OR9Q1: variants seen among roughly 807,000 people sequenced by gnomAD.
OR9Q1 encodes olfactory receptor 9Q1.
For missense variants in OR9Q1, 374 were observed against 378.8 expected (o/e 0.99, Z 0.11); for synonymous variants, 153 against 148.6 (o/e 1.03, Z -0.22).
intron 2 of OR9Q1, among the ~76,000 whole-genome samples, chr11:58,089,027 T>A (rs1050513149): frequency 2.6e-5 from 4 of 151,448 alleles, no homozygotes; most frequent in Non-Finnish European, 5.9e-5. Flanking sequence ...CAGGTGCCCG[T>A]CACCAGGCCC....
chr11:58,136,470 T>C (rs147266068), intron 2 of OR9Q1, among the ~76,000 whole-genome samples: 2 of 152,298 alleles, frequency 1.3e-5, no homozygotes, highest in Non-Finnish European at 2.9e-5. Flanking sequence ...CCAAATATTT[T>C]CCTCTGAGGC....
intron 1 of OR9Q1, among the ~76,000 whole-genome samples, chr11:58,025,893 C>A (rs891765012): frequency 2.0e-5 from 3 of 152,098 alleles, no homozygotes; most frequent in African/African-American, 7.2e-5. Flanking sequence ...TGCTGGGGTG[C>A]CTCCCCCTCC....
intron 2 of OR9Q1, among the ~76,000 whole-genome samples, chr11:58,106,935 C>T (rs1853845966): frequency 6.6e-6 from 1 of 152,068 alleles, no homozygotes; most frequent in Admixed American, 6.6e-5. Context: ...GCTTATTCTT[C>T]TTTATCAAGA....
intron 1 of OR9Q1, among the ~76,000 whole-genome samples, chr11:58,048,679 A>AAAAATATATATAT (rs745596668): frequency 4.9e-4 from 64 of 131,404 alleles, no homozygotes; most frequent in South Asian, 1.9e-3. Flanking sequence ...TAAAAAAAAA[A>AAAAATATATATAT]ATATATATAT....
intron 2 of OR9Q1, among the ~76,000 whole-genome samples, chr11:58,110,446 T>G (rs545127079): frequency 6.6e-6 from 1 of 152,314 alleles, no homozygotes; most frequent in African/African-American, 2.4e-5. Context: ...AGACAGTGAT[T>G]CTGTGAAACC....
At chr11:58,147,482 A>G (rs1177131084) in intron 2 of OR9Q1, among the ~76,000 whole-genome samples, 1 of 152,152 alleles carries the variant, frequency 6.6e-6, no homozygotes, top group Non-Finnish European at 1.5e-5. Flanking sequence ...AAAACAAAGA[A>G]ATGAGTAAAA....
rs758125970 is a variant in OR9Q1, at chr11:58,118,548, G to A, written c.-14-60883G>A. The A allele has an allele frequency of 1.9e-5, 30 of 1,613,072 alleles. No homozygotes were observed. In the Middle Eastern group the frequency reaches 4.9e-4, roughly 27 times the overall value. On this transcript the variant is annotated intron_variant, in intron 2 of 2. Coordinates refer to ENST00000335397, the MANE Select transcript of OR9Q1 (RefSeq NM_001005212.4). ...GTCTCCTAGCGACCTTTCTGAAGGC[G>A]TCTTTTACATCTTTGTTTCTTAAGC...
chr11:58,140,817 A>T (rs1051882050), intron 2 of OR9Q1, among the ~76,000 whole-genome samples: 54 of 152,196 alleles, frequency 3.5e-4, no homozygotes, highest in African/African-American at 9.6e-4. Flanking sequence ...TTTCCAATTC[A>T]GTGAAGAAAG....
At chr11:58,064,314 T>C (rs1853408460) in intron 2 of OR9Q1, among the ~76,000 whole-genome samples, 1 of 152,230 alleles carries the variant, frequency 6.6e-6, no homozygotes, top group African/African-American at 2.4e-5. Flanking sequence ...TCCCGTTTTG[T>C]AGAAAGGGAG....
intron 1 of OR9Q1, among the ~76,000 whole-genome samples, chr11:58,052,894 ATGAGATAC>A (rs1278087554): frequency 6.6e-6 from 1 of 152,030 alleles, no homozygotes; most frequent in African/African-American, 2.4e-5. Context: ...CAAAACCACA[ATGAGATAC>A]CATCTCACAC....
At chr11:58,163,664 CCAGGGA>C in intron 2 of OR9Q1, among the ~76,000 whole-genome samples, 1 of 152,274 alleles carries the variant, frequency 6.6e-6, no homozygotes, top group South Asian at 2.1e-4. Flanking sequence ...GTGCCTGATT[CCAGGGA>C]GGGCAAACTA....
At chr11:58,099,477 G>T (rs1853763128) in intron 2 of OR9Q1, among the ~76,000 whole-genome samples, 1 of 151,592 alleles carries the variant, frequency 6.6e-6, no homozygotes, top group Admixed American at 6.6e-5. Flanking sequence ...TTTATCTCTG[G>T]TTATATTATT....
chr11:58,133,616 G>A (rs1254219730), intron 2 of OR9Q1, among the ~76,000 whole-genome samples: 6 of 152,184 alleles, frequency 3.9e-5, no homozygotes, highest in Non-Finnish European at 4.4e-5. Context: ...CCACGTGATT[G>A]TTTTCAGAAT....
At chr11:58,119,517 T>C (rs1854004137) in intron 2 of OR9Q1, 1 of 1,032,294 alleles carries the variant, frequency 9.7e-7, no homozygotes, top group Non-Finnish European at 1.4e-6. Context: ...GGACAGAATC[T>C]TTCCCTCTAT....
chr11:58,118,809 G>C, intron 2 of OR9Q1: 1 of 1,614,056 alleles, frequency 6.2e-7, no homozygotes, highest in Non-Finnish European at 8.5e-7. Flanking sequence ...TCAGGATGAC[G>C]GAGGCATTGG....
intron 2 of OR9Q1, among the ~76,000 whole-genome samples, chr11:58,096,484 G>A (rs1165748512): frequency 5.3e-5 from 8 of 152,010 alleles, no homozygotes; most frequent in African/African-American, 1.9e-4. Flanking sequence ...ATGTTCTCTT[G>A]TGTTTGGATT....
intron 2 of OR9Q1, among the ~76,000 whole-genome samples, chr11:58,079,086 C>A (rs1047411086): frequency 6.6e-6 from 1 of 152,198 alleles, no homozygotes; most frequent in African/African-American, 2.4e-5. Flanking sequence ...GGTGTTTATT[C>A]TACGTCAATG....
chr11:58,031,636 A>C, intron 1 of OR9Q1: 1 of 1,613,928 alleles, frequency 6.2e-7, no homozygotes, highest in Non-Finnish European at 8.5e-7. Flanking sequence ...TCGTCTGGAC[A>C]CTGCTGCACA....
intron 1 of OR9Q1, among the ~76,000 whole-genome samples, chr11:58,055,108 G>C (rs4939176): frequency 0.25 from 38,685 of 151,970 alleles, 5,557 homozygotes; most frequent in East Asian, 0.6. Context: ...CACTCTATCT[G>C]AATCAGTGAT....
Sources: gnomAD v4.1 joint callset for allele counts (sites outside exome capture counted in the v4.1 genomes callset) on GRCh38, gnomAD v4.1.1 for gene constraint, MANE v1.5 for transcripts, NCBI Gene and HGNC (gene_info 2026-07-23, HGNC 2026-07-21) for gene names.